SDK1: variants seen among roughly 807,000 people sequenced by gnomAD.
The protein encoded by SDK1 is protein sidekick-1.
A neutral mutation model predicts 245.5 loss-of-function variants in SDK1; 157 were observed. That is an observed-to-expected ratio of 0.64 (90% CI 0.56 to 0.73). SDK1 has a LOEUF of 0.73. Ranked by LOEUF, SDK1 falls within the 30% of genes least tolerant of loss-of-function variation. The probability of loss-of-function intolerance (pLI) is 0.00; values close to 1 mark genes in which losing one functional copy is unlikely to be tolerated. For missense variants in SDK1, 3,583 were observed against 3,002.3 expected (o/e 1.19, Z -4.52); for synonymous variants, 1,647 against 1,278.5 (o/e 1.29, Z -6.15).
chr7:4,207,274 G>C (rs959314666), intron 36 of SDK1, among the ~76,000 whole-genome samples: 20 of 152,216 alleles, frequency 1.3e-4, no homozygotes, highest in African/African-American at 4.6e-4. Flanking sequence ...CGCTCTAACA[G>C]CCTGGCCCTG....
intron 4 of SDK1, among the ~76,000 whole-genome samples, chr7:3,704,518 C>G (rs755391713): frequency 6.6e-6 from 1 of 151,794 alleles, no homozygotes; most frequent in Non-Finnish European, 1.5e-5. Context: ...GTCCTTTGTC[C>G]ACTGTTTGAT....
chr7:3,777,673 A>G (rs887744786), intron 4 of SDK1, among the ~76,000 whole-genome samples: 1 of 152,096 alleles, frequency 6.6e-6, no homozygotes, highest in Non-Finnish European at 1.5e-5. Context: ...CATATTTTCG[A>G]TTGACCACCA....
At chr7:3,351,556 C>G (rs1203111922) in intron 1 of SDK1, among the ~76,000 whole-genome samples, 1 of 152,056 alleles carries the variant, frequency 6.6e-6, no homozygotes, top group African/African-American at 2.4e-5. Flanking sequence ...AGAAGCATAT[C>G]TAAAAACAAA....
chr7:3,529,636 C>G (rs754592184), intron 1 of SDK1, among the ~76,000 whole-genome samples: 2 of 151,990 alleles, frequency 1.3e-5, no homozygotes, highest in Non-Finnish European at 2.9e-5. Flanking sequence ...ATTTGGCAAC[C>G]ACTGTGGTGG....
At chr7:4,039,243 G>A (rs952392691) in intron 17 of SDK1, among the ~76,000 whole-genome samples, 1 of 151,874 alleles carries the variant, frequency 6.6e-6, no homozygotes, top group Non-Finnish European at 1.5e-5. Flanking sequence ...CATGGCACAT[G>A]TATACATATG....
intron 40 of SDK1, among the ~76,000 whole-genome samples, chr7:4,225,897 C>T (rs377140035): frequency 1.3e-3 from 200 of 152,140 alleles, no homozygotes; most frequent in South Asian, 7.3e-3. Flanking sequence ...AAAAGCAGGT[C>T]GCCAACGATC....
chr7:3,401,717 C>G (rs1778892280), intron 1 of SDK1, among the ~76,000 whole-genome samples: 1 of 151,772 alleles, frequency 6.6e-6, no homozygotes, highest in Admixed American at 6.6e-5. Context: ...GGAGATAATG[C>G]TACTGATGTG....
intron 4 of SDK1, among the ~76,000 whole-genome samples, chr7:3,710,109 A>G (rs926411222): frequency 6.6e-6 from 1 of 152,246 alleles, no homozygotes; most frequent in African/African-American, 2.4e-5. Context: ...CAAACCTTTT[A>G]TGTTTTAAGC....
At chr7:3,501,303 G>C (rs527838144) in intron 1 of SDK1, among the ~76,000 whole-genome samples, 1 of 151,496 alleles carries the variant, frequency 6.6e-6, no homozygotes, top group African/African-American at 2.4e-5. Flanking sequence ...GCTATTAACT[G>C]TTTTTACTAT....
rs1779164740 is a variant in SDK1 at position 4,137,415 on chromosome 7, C to G, written c.4228+4992C>G. Among the ~76,000 whole-genome samples, 4 of 152,328 alleles carry G rather than the reference C, an allele frequency of 2.6e-5. No homozygotes were observed. The South Asian group carries it at 8.3e-4, about 32-fold the overall frequency. ...GAGATGCCTACAAGGCTTCCAGTATCCAGCCTCAGCTCCTTAGTGCCACCT... is the reference window on the plus strand; with the variant it reads ...GAGATGCCTACAAGGCTTCCAGTATGCAGCCTCAGCTCCTTAGTGCCACCT... On this transcript the variant is annotated intron_variant, in intron 28 of 44. Transcript: ENST00000404826.
chr7:3,652,340 A>T (rs1783036314), intron 4 of SDK1, among the ~76,000 whole-genome samples: 1 of 152,192 alleles, frequency 6.6e-6, no homozygotes, highest in Admixed American at 6.5e-5. Context: ...GCCAGGGGGA[A>T]CAAAGTCCTG....
At chr7:3,761,210 C>T (rs1415607298) in intron 4 of SDK1, among the ~76,000 whole-genome samples, 2 of 140,454 alleles carry the variant, frequency 1.4e-5, no homozygotes, top group South Asian at 2.3e-4. Flanking sequence ...TGATTTTTTT[C>T]TAATTTCATT....
At chr7:3,738,850 CTG>C (rs1396668060) in intron 4 of SDK1, among the ~76,000 whole-genome samples, 2 of 151,956 alleles carry the variant, frequency 1.3e-5, no homozygotes, top group East Asian at 3.9e-4. Flanking sequence ...AGAAACACAA[CTG>C]TTGTTCATTG....
intron 4 of SDK1, among the ~76,000 whole-genome samples, chr7:3,715,849 C>A (rs965312400): frequency 6.6e-6 from 1 of 152,062 alleles, no homozygotes; most frequent in African/African-American, 2.4e-5. Context: ...AATTACCAGA[C>A]AAGGATTTTA....
In SDK1 at chr7:3,559,115, C is replaced by G. The variant is rs186036802; in HGVS notation, c.299-59965C>G. ...CTGACTGAAATTACTTTCCTTGAAG[C>G]CATTAGTGTGTAAGTCAGATGCTGA... On this transcript the variant is annotated intron_variant, in intron 1 of 44. Transcript: ENST00000404826. 2.4e-3 allele frequency among the ~76,000 whole-genome samples: 369 copies of G among 152,118 alleles called. 3 individuals carry two copies. Among genetic ancestry groups the G allele is most frequent in the South Asian group, 0.018 (87 of 4,812 alleles).
At chr7:3,712,848 G>A (rs1373810643) in intron 4 of SDK1, among the ~76,000 whole-genome samples, 2 of 152,204 alleles carry the variant, frequency 1.3e-5, no homozygotes, top group South Asian at 2.1e-4. Flanking sequence ...ATGGCCCTGC[G>A]ACTTGGCCCA....
intron 2 of SDK1, among the ~76,000 whole-genome samples, chr7:3,622,180 T>G (rs1326170886): frequency 3.3e-5 from 5 of 152,098 alleles, no homozygotes; most frequent in Non-Finnish European, 5.9e-5. Context: ...GCATTTCAAT[T>G]TAAAACAATT....
At chr7:3,882,140 C>T (rs1409339340) in intron 5 of SDK1, among the ~76,000 whole-genome samples, 3 of 152,144 alleles carry the variant, frequency 2.0e-5, no homozygotes, top group Non-Finnish European at 4.4e-5. Flanking sequence ...TCTTGTGAGA[C>T]TTATTCACGA....
intron 5 of SDK1, among the ~76,000 whole-genome samples, chr7:3,940,901 C>G (rs949939525): frequency 2.0e-5 from 3 of 152,118 alleles, no homozygotes; most frequent in Non-Finnish European, 4.4e-5. Flanking sequence ...CTCACACTCT[C>G]ATGGAGTGGC....
Sources: gnomAD v4.1 joint callset for allele counts (sites outside exome capture counted in the v4.1 genomes callset) on GRCh38, gnomAD v4.1.1 for gene constraint, MANE v1.5 for transcripts, NCBI Gene and HGNC (gene_info 2026-07-23, HGNC 2026-07-21) for gene names.